The following CLASP2 variants were observed in gnomAD, a reference collection of about 807,000 sequenced individuals.
CLASP2 encodes cytoplasmic linker associated protein 2, also known as CLIP-associating protein 2.
In CLASP2, 47 loss-of-function variants were observed where a neutral mutation model predicts 194.4. The ratio of observed to expected loss-of-function variants is 0.24; its 90% CI spans 0.19 to 0.31. CLASP2 has a LOEUF of 0.31. Among genes scored for constraint, CLASP2 ranks in the 10% least tolerant of loss-of-function variants. The probability of loss-of-function intolerance (pLI) is 1.00; values close to 1 mark genes in which losing one functional copy is unlikely to be tolerated. For missense variants in CLASP2, 1,445 were observed against 1,823.6 expected, an observed-to-expected ratio of 0.79 and a Z score of 3.78; for synonymous variants, 619 against 633.5, an observed-to-expected ratio of 0.98 and a Z score of 0.34.
chr3:33,604,244 C>A (rs2073137536), intron 16 of CLASP2, 35 bp from the exon 17 acceptor site: 1 of 1,321,374 alleles, frequency 7.6e-7, no homozygotes, highest in South Asian at 1.3e-5. Flanking sequence ...AGTAAGAAGA[C>A]AATTTAACAC....
At chr3:33,544,896 C>G (rs76877738) in intron 30 of CLASP2, 55 bp from the exon 31 acceptor site, 1 of 1,322,172 alleles carries the variant, frequency 7.6e-7, no homozygotes, top group African/African-American at 1.5e-5. Context: ...CAAACAAGAC[C>G]GTTTTCTTCC....
At chr3:33,610,165 T>C (rs890878959) in intron 13 of CLASP2, among the ~76,000 whole-genome samples, 1 of 152,270 alleles carries the variant, frequency 6.6e-6, no homozygotes, top group African/African-American at 2.4e-5. Context: ...AATTAAACAA[T>C]GCTTTTCATT....
At chr3:33,559,258 T>C (rs2061421816) in intron 29 of CLASP2, 49 bp downstream of exon 29, 1 of 1,086,432 alleles carries the variant, frequency 9.2e-7, no homozygotes, top group African/African-American at 1.6e-5. Flanking sequence ...ACTTTATTAA[T>C]AAATACTTCA....
chr3:33,617,662 C>A (rs922433992), intron 12 of CLASP2, among the ~76,000 whole-genome samples: 1 of 151,470 alleles, frequency 6.6e-6, no homozygotes, highest in Non-Finnish European at 1.5e-5. Flanking sequence ...ACAACATATG[C>A]AACACAGAAT....
At chr3:33,668,560 A>C (rs1322782752) in intron 6 of CLASP2, among the ~76,000 whole-genome samples, 2 of 152,250 alleles carry the variant, frequency 1.3e-5, no homozygotes, top group Non-Finnish European at 2.9e-5. Context: ...AGAAAGGTGT[A>C]AACCGAAATT....
intron 1 of CLASP2, among the ~76,000 whole-genome samples, chr3:33,705,572 T>G (rs1427449158): frequency 6.6e-6 from 1 of 152,152 alleles, no homozygotes; most frequent in African/African-American, 2.4e-5. Context: ...CTGTTAAAAT[T>G]TAAAATCCAA....
At chr3:33,672,281 G>A (rs566712674) in intron 6 of CLASP2, among the ~76,000 whole-genome samples, 45 of 152,276 alleles carry the variant, frequency 3.0e-4, no homozygotes, top group African/African-American at 1.1e-3. Flanking sequence ...AGCATTCGCG[G>A]TTCACGAAAA....
chr3:33,608,562 C>A lies in CLASP2; in HGVS notation c.1448+5G>T. ...AAGTGGGAGGAAGGAAGAGGGAATG[C>A]ATACCTTTCCAATGAATGAGTCTGC... On this transcript the variant is annotated splice_donor_5th_base_variant and intron_variant, in intron 14 of 38. Transcript: ENST00000682230. 6.2e-7 allele frequency: 1 copy of A among 1,607,586 alleles called. No individual in the cohort carries two copies. Among genetic ancestry groups the A allele is most frequent in the Non-Finnish European group, 8.5e-7 (1 of 1,175,470 alleles).
intron 8 of CLASP2, among the ~76,000 whole-genome samples, chr3:33,642,535 T>C (rs1030311144): frequency 1.3e-5 from 2 of 151,946 alleles, no homozygotes; most frequent in Admixed American, 1.3e-4. Context: ...ATTTTTGTTC[T>C]AAATTTTAAT....
chr3:33,693,490 C>T (rs2091563016), intron 2 of CLASP2, among the ~76,000 whole-genome samples: 1 of 152,106 alleles, frequency 6.6e-6, no homozygotes, highest in African/African-American at 2.4e-5. Flanking sequence ...ACAGATAAAA[C>T]CAAAAAGCTA....
rs935267232 is a variant in CLASP2, at chr3:33,673,110, C to T, written c.645-9595G>A. Among the ~76,000 whole-genome samples, 15 of 152,166 alleles carry T rather than the reference C, an allele frequency of 9.9e-5. No homozygotes were observed. The East Asian group carries it at 1.5e-3, about 16-fold the overall frequency. On this transcript the variant is annotated intron_variant, in intron 6 of 38. Transcript: ENST00000682230. ...CAGAGAACGCTACAAAGATACTCCT[C>T]GTGAAAAGCAACTCCAAGACACATA...
intron 37 of CLASP2, among the ~76,000 whole-genome samples, chr3:33,509,061 C>T (rs927751051): frequency 1.6e-4 from 25 of 152,134 alleles, no homozygotes; most frequent in African/African-American, 5.6e-4. Flanking sequence ...CTCAGTGTTA[C>T]TGAGTTGATA....
intron 18 of CLASP2, among the ~76,000 whole-genome samples, chr3:33,601,920 G>A (rs1258979798): frequency 6.6e-6 from 1 of 151,402 alleles, no homozygotes; most frequent in African/African-American, 2.4e-5. Context: ...GGCCAAAAAT[G>A]TTTTAGATTT....
At chr3:33,638,836 T>C (rs989909796) in intron 8 of CLASP2, among the ~76,000 whole-genome samples, 9 of 152,226 alleles carry the variant, frequency 5.9e-5, no homozygotes, top group Admixed American at 3.3e-4. Context: ...ATTCTTCATA[T>C]GTGAGATCTA....
At chr3:33,566,809 C>T (rs1371507384) in intron 26 of CLASP2, 75 bp from the exon 27 acceptor site, 11 of 416,450 alleles carry the variant, frequency 2.6e-5, no homozygotes, top group Non-Finnish European at 4.7e-5. Flanking sequence ...ACAAATTAGT[C>T]GCCATCAATG....
chr3:33,697,243 C>T (rs2092003623), intron 1 of CLASP2, among the ~76,000 whole-genome samples: 1 of 152,164 alleles, frequency 6.6e-6, no homozygotes, highest in African/African-American at 2.4e-5. Flanking sequence ...CACTTAATGA[C>T]AGGGATAAAT....
intron 21 of CLASP2, among the ~76,000 whole-genome samples, chr3:33,586,984 G>A (rs2067531604): frequency 6.6e-6 from 1 of 152,120 alleles, no homozygotes; most frequent in African/African-American, 2.4e-5. Context: ...TTGTCTTGAG[G>A]TAATAGTGGA....
At chr3:33,518,130 A>G (rs9850785) in intron 34 of CLASP2, among the ~76,000 whole-genome samples, 62,966 of 152,076 alleles carry the variant, frequency 0.41, 13,382 homozygotes, top group Admixed American at 0.53. Context: ...TTATAGAAAA[A>G]GCAGAACAGA....
chr3:33,524,334 G>T (rs71325150), intron 34 of CLASP2, among the ~76,000 whole-genome samples: 7,634 of 152,192 alleles, frequency 0.05, 243 homozygotes, highest in Non-Finnish European at 0.069. Flanking sequence ...GAGAGCAGGG[G>T]TGGCTATACT....
Sources: allele counts gnomAD v4.1 joint callset (sites outside exome capture counted in the v4.1 genomes callset), GRCh38; gene constraint gnomAD v4.1.1; transcripts MANE v1.5; gene names NCBI Gene and HGNC (gene_info 2026-07-23, HGNC 2026-07-21).